ZNF91: variants seen among roughly 807,000 people sequenced by gnomAD.
ZNF91 encodes the protein zinc finger protein 91 (HPF7, HTF10).
ZNF91 carries 7 observed loss-of-function variants against 12.6 expected under a neutral mutation model. That is an observed-to-expected ratio of 0.55 (90% CI 0.31 to 1.04). ZNF91 has a LOEUF of 1.04. Ranked by LOEUF, ZNF91 falls within the 50% of genes least tolerant of loss-of-function variation. The pLI is 0.05. For synonymous variants in ZNF91, 453 were observed against 462.6 expected, an observed-to-expected ratio of 0.98 and a Z score of 0.27; for missense variants, 1,217 against 1,385.4, an observed-to-expected ratio of 0.88 and a Z score of 1.93.
At chr19:23,315,198 A>T (rs567069566), upstream of ZNF91, among the ~76,000 whole-genome samples, 3 of 152,248 alleles carry the variant, frequency 2.0e-5, no homozygotes, top group South Asian at 6.2e-4. Context: ...TGGATTCAAG[A>T]CCTAAATGGT....
At chr19:23,326,897 C>G (rs1459588018) in intron 1 of ZNF91, 1 of 152,190 alleles carries the variant, frequency 6.6e-6, no homozygotes, top group African/African-American at 2.4e-5. Flanking sequence ...CTAATGCCTG[C>G]TTGCACTAAA....
chr19:23,347,968 C>T (rs1292851328), intron 3 of ZNF91, among the ~76,000 whole-genome samples: 1 of 152,216 alleles, frequency 6.6e-6, no homozygotes, highest in Non-Finnish European at 1.5e-5. Flanking sequence ...CACAAACTCT[C>T]AACATGCATA....
chr19:23,366,160 C>T (rs1196686838), intron 3 of ZNF91, among the ~76,000 whole-genome samples: 4 of 152,260 alleles, frequency 2.6e-5, no homozygotes, highest in Non-Finnish European at 5.9e-5. Flanking sequence ...AGAGGCGCCC[C>T]TCACCTCCCG....
At chr19:23,369,912 T>C (rs1226101160) in intron 3 of ZNF91, among the ~76,000 whole-genome samples, 2 of 150,122 alleles carry the variant, frequency 1.3e-5, no homozygotes. Flanking sequence ...GAGACCTTTG[T>C]TCACTTGTTT....
downstream of ZNF91, among the ~76,000 whole-genome samples, chr19:23,356,227 C>G (rs1180372045): frequency 6.6e-6 from 1 of 152,078 alleles, no homozygotes; most frequent in Non-Finnish European, 1.5e-5. Context: ...ATGCATGTTT[C>G]TAGCAGCACA....
chr19:23,386,544 T>A (rs905097850), intron 1 of ZNF91, among the ~76,000 whole-genome samples: 1 of 152,006 alleles, frequency 6.6e-6, no homozygotes, highest in Non-Finnish European at 1.5e-5. Flanking sequence ...AAAGTAACAA[T>A]AGAAATGTGG....
rs1277619691 is a variant in ZNF91, at chr19:23,362,657, A to G, written c.322T>C (p.Leu108=). The change falls in exon 4 of 4, where the codon TTA becomes CTA. Residue 108 remains leucine, a synonymous_variant. Coordinates refer to ENST00000300619, the MANE Select transcript of ZNF91 (RefSeq NM_003430.4). ...CCACATTTTTCATATTTTCTCAGTA[A>G]TACTTTTTGAAAAGAATCTTCCATG... ...QSMEDSFQKV[L]LRKYEKCGHE... 6.4e-7 allele frequency: 1 copy of G among 1,558,802 alleles called. No individual in the cohort carries two copies. The highest frequency in any genetic ancestry group is 1.3e-5 in the South Asian group (1 of 78,640).
rs780367041 is a variant in ZNF91 at position 23,359,527 on chromosome 19, T to G, written c.3452A>C (p.Asn1151Thr). The G allele has an allele frequency of 6.2e-7, 1 of 1,613,758 alleles. No individual in the cohort carries two copies. Among genetic ancestry groups the G allele is most frequent in the Non-Finnish European group, 8.5e-7 (1 of 1,179,896 alleles). The change falls in exon 4 of 4, where the codon AAC (asparagine) becomes ACC (threonine). Residue 1151 changes from asparagine (N) to threonine (T), a missense_variant. Physicochemically the swap from Asn to Thr is moderately conservative, Grantham distance 65 (BLOSUM62 0). Around this residue, in one of 2 missense-constraint regions of ZNF91, gnomAD observed 491 missense variants for 489.8 expected, o/e 1.00. Coordinates refer to ENST00000300619, the MANE Select transcript of ZNF91 (RefSeq NM_003430.4). ...TGTGATAGTATGAATTTTCTTATGGTTAGTAAGGATTGAAGACTGGTTAAA... is the reference window on the plus strand; with the variant it reads ...TGTGATAGTATGAATTTTCTTATGGGTAGTAAGGATTGAAGACTGGTTAAA... Reference protein sequence around the residue: ...KAFNQSSILTNHKKIHTITPV... With the variant: ...KAFNQSSILTTHKKIHTITPV...
chr19:23,341,426 C>T (rs193291037), intron 3 of ZNF91, among the ~76,000 whole-genome samples: 11 of 152,200 alleles, frequency 7.2e-5, no homozygotes, highest in East Asian at 1.9e-4. Context: ...GAAAATGATA[C>T]GTATACTTGC....
intron 1 of ZNF91, among the ~76,000 whole-genome samples, chr19:23,391,085 C>T (rs1359345538): frequency 1.3e-5 from 2 of 152,208 alleles, no homozygotes; most frequent in Non-Finnish European, 2.9e-5. Context: ...TGCCACACTG[C>T]TTTTTACAAT....
intron 1 of ZNF91, among the ~76,000 whole-genome samples, chr19:23,333,602 GT>G (rs1410661627): frequency 6.6e-6 from 1 of 152,190 alleles, no homozygotes; most frequent in African/African-American, 2.4e-5. Context: ...GCCTGAACAA[GT>G]TATGAAATTG....
chr19:23,345,834 G>C (rs544512676), intron 3 of ZNF91, among the ~76,000 whole-genome samples: 51 of 151,842 alleles, frequency 3.4e-4, no homozygotes, highest in African/African-American at 1.2e-3. Context: ...TTCTAGTATT[G>C]CCTGTACCCA....
intron 1 of ZNF91, among the ~76,000 whole-genome samples, chr19:23,376,032 C>T (rs1327752277): frequency 6.6e-6 from 1 of 152,174 alleles, no homozygotes. Context: ...CTTTCTTTAA[C>T]ACCCTAATAA....
At chr19:23,321,861 G>C (rs2145856386) in intron 1 of ZNF91, among the ~76,000 whole-genome samples, 1 of 152,244 alleles carries the variant, frequency 6.6e-6, no homozygotes, top group South Asian at 2.1e-4. Context: ...AGATGAAATA[G>C]TGGCTTATCC....
Position 23,359,740 on chromosome 19 carries a change from C to G in ZNF91, c.3239G>C (p.Cys1080Ser). The G allele has an allele frequency of 6.2e-7, 1 of 1,613,820 alleles. No individual in the cohort carries two copies. The highest frequency in any genetic ancestry group is 8.5e-7 in the Non-Finnish European group (1 of 1,179,932). The change falls in exon 4 of 4, where the codon TGT (cysteine) becomes TCT (serine). Residue 1080 changes from cysteine (C) to serine (S), a missense_variant. By Grantham distance (112) the Cys-to-Ser change is moderately radical. Transcript: ENST00000300619. ...RIHTREKPYK[C>S]EECGKAFSQS... ...GCTAAATGCTTTGCCACATTCTTCA[C>G]ATTTGTAGGGTTTCTCTCTAGTATG...
intron 1 of ZNF91, among the ~76,000 whole-genome samples, chr19:23,392,043 T>C (rs1286069841): frequency 6.6e-6 from 1 of 152,208 alleles, no homozygotes; most frequent in African/African-American, 2.4e-5. Flanking sequence ...AGCAAAAGTA[T>C]TTATTCCTTT....
chr19:23,335,533 C>A (rs1270697409), downstream of ZNF91, among the ~76,000 whole-genome samples: 1 of 152,268 alleles, frequency 6.6e-6, no homozygotes, highest in Middle Eastern at 3.4e-3. Context: ...GGTGGACGCC[C>A]CTCCCCCAAC....
chr19:23,317,232 T>A (rs1568365550), intron 1 of ZNF91, among the ~76,000 whole-genome samples: 8 of 152,056 alleles, frequency 5.3e-5, no homozygotes, highest in Admixed American at 5.2e-4. Flanking sequence ...GTATTTTTAG[T>A]AGAGACGGGG....
chr19:23,361,293 A>T lies in ZNF91; in HGVS notation c.1686T>A (p.Thr562=). The part of the protein sequence containing the change: ...GKAFKQFSTL[T]THKIIHAGKK... ...TTCCAGCATGAATTATTTTATGTGT[A>T]GTAAGGGTTGAGAATTGCTTAAAAG... Residue 562 remains threonine (T), a synonymous_variant, in exon 4 of 4, where the codon ACT becomes ACA. Transcript: ENST00000300619. 1 of 1,612,782 alleles carries T rather than the reference A, an allele frequency of 6.2e-7. No individual in the cohort carries two copies. Among genetic ancestry groups the T allele is most frequent in the Non-Finnish European group, 8.5e-7 (1 of 1,179,568 alleles).
Sources: gnomAD v4.1 joint callset for allele counts (sites outside exome capture counted in the v4.1 genomes callset) on GRCh38, gnomAD v4.1.1 for gene constraint, gnomAD v4.1.1 regional missense constraint, MANE v1.5 for transcripts, NCBI Gene and HGNC (gene_info 2026-07-23, HGNC 2026-07-21) for gene names.